RBFOX1: variants seen among roughly 807,000 people sequenced by gnomAD.
RBFOX1 encodes RNA binding protein fox-1 homolog 1.
RBFOX1 carries 8 observed loss-of-function variants against 57.7 expected under a neutral mutation model. The observed-to-expected ratio is 0.14, with a 90% CI of 0.08 to 0.25. The LOEUF is 0.25. Ranked by LOEUF, RBFOX1 falls within the 10% of genes least tolerant of loss-of-function variation. RBFOX1 has a pLI of 1.00. For synonymous variants in RBFOX1, 326 were observed against 222.4 expected, an observed-to-expected ratio of 1.47 and a Z score of -4.15; for missense variants, 611 against 548.5, an observed-to-expected ratio of 1.11 and a Z score of -1.14.
chr16:7,521,977 T>C (rs1252865659), intron 5 of RBFOX1, among the ~76,000 whole-genome samples: 1 of 152,168 alleles, frequency 6.6e-6, no homozygotes, highest in Admixed American at 6.5e-5. Flanking sequence ...TGTGAAAAGC[T>C]CTTGGATTCA....
At chr16:5,517,672 C>T (rs1387801736) in intron 2 of RBFOX1, among the ~76,000 whole-genome samples, 1 of 152,140 alleles carries the variant, frequency 6.6e-6, no homozygotes, top group East Asian at 1.9e-4. Context: ...TCTACAAACT[C>T]ATTAAGGGAA....
intron 3 of RBFOX1, among the ~76,000 whole-genome samples, chr16:5,819,521 C>T (rs1486020203): frequency 6.6e-6 from 1 of 152,204 alleles, no homozygotes; most frequent in East Asian, 1.9e-4. Context: ...TTTCACTTTG[C>T]TTGCAGGAAG....
chr16:5,605,778 C>T (rs1224325308), intron 3 of RBFOX1, among the ~76,000 whole-genome samples: 1 of 151,858 alleles, frequency 6.6e-6, no homozygotes, highest in African/African-American at 2.4e-5. Context: ...GAGAGTGGCA[C>T]CATTGATTAG....
intron 4 of RBFOX1, among the ~76,000 whole-genome samples, chr16:7,430,761 A>G (rs1411863877): frequency 2.0e-5 from 3 of 152,146 alleles, no homozygotes; most frequent in Non-Finnish European, 4.4e-5. Context: ...GCCAGGGTCC[A>G]CACAGGAAGC....
intron 1 of RBFOX1, among the ~76,000 whole-genome samples, chr16:6,293,738 A>G (rs2077723690): frequency 1.5e-5 from 2 of 135,246 alleles, no homozygotes; most frequent in Non-Finnish European, 3.3e-5. Context: ...AAGGTACTTG[A>G]TCTGAACTTT....
chr16:5,986,252 T>A (rs1799124437), intron 4 of RBFOX1, among the ~76,000 whole-genome samples: 1 of 152,014 alleles, frequency 6.6e-6, no homozygotes, highest in Non-Finnish European at 1.5e-5. Context: ...TTAGTAGAGA[T>A]GGGGTTTCAC....
intron 3 of RBFOX1, among the ~76,000 whole-genome samples, chr16:6,818,897 A>C (rs1740047830): frequency 6.6e-6 from 1 of 152,110 alleles, no homozygotes; most frequent in African/African-American, 2.4e-5. Context: ...TTGGAAAGAG[A>C]CTCGATTTCC....
At chr16:5,527,118 A>G (rs2151024927) in intron 2 of RBFOX1, among the ~76,000 whole-genome samples, 1 of 152,332 alleles carries the variant, frequency 6.6e-6, no homozygotes, top group South Asian at 2.1e-4. Flanking sequence ...AGGTGGCGAC[A>G]TATTGGAAAG....
intron 3 of RBFOX1, among the ~76,000 whole-genome samples, chr16:6,996,748 A>G (rs2092286620): frequency 6.6e-6 from 1 of 152,142 alleles, no homozygotes; most frequent in Non-Finnish European, 1.5e-5. Flanking sequence ...ATTTTTGAGC[A>G]CTTTTCTACA....
intron 4 of RBFOX1, among the ~76,000 whole-genome samples, chr16:5,972,803 C>A (rs1480101299): frequency 6.6e-6 from 1 of 152,206 alleles, no homozygotes; most frequent in African/African-American, 2.4e-5. Flanking sequence ...CCTTCCTGGG[C>A]ACCATGCACC....
At chr16:6,409,289 C>T (rs753114308) in intron 2 of RBFOX1, among the ~76,000 whole-genome samples, 1 of 152,060 alleles carries the variant, frequency 6.6e-6, no homozygotes, top group Non-Finnish European at 1.5e-5. Flanking sequence ...TGGTGCGCAC[C>T]GGTAATCCCA....
At chr16:6,441,396 T>G (rs906771907) in intron 2 of RBFOX1, among the ~76,000 whole-genome samples, 1 of 151,934 alleles carries the variant, frequency 6.6e-6, no homozygotes, top group Non-Finnish European at 1.5e-5. Context: ...TATTTTCTTG[T>G]TTTTTTGTTT....
chr16:6,208,655 C>T (rs887653694), intron 1 of RBFOX1, among the ~76,000 whole-genome samples: 12 of 152,276 alleles, frequency 7.9e-5, no homozygotes, highest in Non-Finnish European at 1.6e-4. Context: ...ATGTTTTAAT[C>T]GTTCTGCAAT....
At chr16:6,854,412 T>C (rs1052711742) in intron 3 of RBFOX1, among the ~76,000 whole-genome samples, 2 of 151,968 alleles carry the variant, frequency 1.3e-5, no homozygotes, top group African/African-American at 2.4e-5. Context: ...TATATAAATA[T>C]AGGATGATCT....
chr16:6,607,804 C>G (rs1162182293), intron 2 of RBFOX1, among the ~76,000 whole-genome samples: 1 of 152,170 alleles, frequency 6.6e-6, no homozygotes, highest in Non-Finnish European at 1.5e-5. Context: ...GTTTCACATC[C>G]TAATGAGCGA....
At chr16:6,099,160 C>G (rs1003499108) in intron 1 of RBFOX1, among the ~76,000 whole-genome samples, 3 of 152,114 alleles carry the variant, frequency 2.0e-5, no homozygotes, top group Non-Finnish European at 4.4e-5. Context: ...GCAGCACTCA[C>G]CTGGGGGAAT....
chr16:6,214,629 CAG>C (rs1162973750), intron 1 of RBFOX1, among the ~76,000 whole-genome samples: 1 of 63,024 alleles, frequency 1.6e-5, no homozygotes, highest in Non-Finnish European at 2.9e-5. Flanking sequence ...GGGAGAAAGA[CAG>C]GGAGAGGGAG....
At chr16:5,336,560 C>G (rs946653532) in intron 1 of RBFOX1, among the ~76,000 whole-genome samples, 1 of 152,186 alleles carries the variant, frequency 6.6e-6, no homozygotes, top group African/African-American at 2.4e-5. Flanking sequence ...AACTTGATCC[C>G]TGGTCCTGTA....
chr16:6,333,427 C>T (rs1187063509), intron 2 of RBFOX1, among the ~76,000 whole-genome samples: 1 of 152,088 alleles, frequency 6.6e-6, no homozygotes, highest in Admixed American at 6.6e-5. Context: ...TTGTTTTAGT[C>T]CTGAGATTTC....
Sources: gnomAD v4.1 joint callset for allele counts (sites outside exome capture counted in the v4.1 genomes callset) on GRCh38, gnomAD v4.1.1 for gene constraint, MANE v1.5 for transcripts, NCBI Gene and HGNC (gene_info 2026-07-23, HGNC 2026-07-21) for gene names.